The following YJU2B variants were observed in gnomAD, a reference collection of about 807,000 sequenced individuals.
YJU2B encodes YJU2 splicing factor homolog B, also known as probable splicing factor YJU2B.
In YJU2B, 18 loss-of-function variants were observed where a neutral mutation model predicts 38.0. The observed-to-expected ratio is 0.47, with a 90% CI of 0.33 to 0.70. The LOEUF (loss-of-function observed/expected upper bound fraction) is 0.70, where lower values mean the gene tolerates loss of function less well. Ranked by LOEUF, YJU2B falls within the 30% of genes least tolerant of loss-of-function variation. The pLI is 0.02. For missense variants in YJU2B, 538 were observed against 556.3 expected (o/e 0.97, Z 0.33); for synonymous variants, 246 against 225.4 (o/e 1.09, Z -0.82).
chr19:13,762,111 C>G (rs1245323947), intron 8 of YJU2B, among the ~76,000 whole-genome samples, 188 bp from the exon 9 acceptor site: 1 of 152,162 alleles, frequency 6.6e-6, no homozygotes, highest in African/African-American at 2.4e-5. Context: ...GAGAGAATCG[C>G]TTGAGCCCAG....
chr19:13,756,191 A>T lies in YJU2B; in HGVS notation c.58-6A>T. The T allele has an allele frequency of 6.2e-7, 1 of 1,613,574 alleles. No homozygotes were observed. The highest frequency in any genetic ancestry group is 8.5e-7 in the Non-Finnish European group (1 of 1,179,658). On this transcript the variant is annotated splice_polypyrimidine_tract_variant and splice_region_variant and intron_variant, in intron 3 of 9. Coordinates refer to ENST00000221554, the MANE Select transcript of YJU2B (RefSeq NM_030818.4). ...CACTAATCCGCTCCTCATCCTCTCC[A>T]CACAGCATGGCTCTCTCAACCGATA... is the stretch of plus-strand genomic sequence containing the variant.
chr19:13,742,285 T>G (rs1973113550), intron 2 of YJU2B, among the ~76,000 whole-genome samples: 1 of 148,654 alleles, frequency 6.7e-6, no homozygotes, highest in East Asian at 2.0e-4. Context: ...GGTCCTTCTT[T>G]GAGTCCCACT....
intron 9 of YJU2B, 32 bp from the exon 10 acceptor site, chr19:13,762,558 C>T: frequency 6.5e-7 from 1 of 1,531,890 alleles, no homozygotes; most frequent in Non-Finnish European, 8.7e-7. Context: ...CCCTCCCCTG[C>T]CGCCCCTGAA....
At chr19:13,754,561 T>C (rs979986808) in intron 3 of YJU2B, among the ~76,000 whole-genome samples, 2 of 152,044 alleles carry the variant, frequency 1.3e-5, no homozygotes, top group Non-Finnish European at 2.9e-5. Context: ...GAGTATAGTG[T>C]GTTTACAGCA....
intron 8 of YJU2B, among the ~76,000 whole-genome samples, chr19:13,760,397 G>A (rs1273093109): frequency 6.6e-6 from 1 of 152,100 alleles, no homozygotes; most frequent in East Asian, 1.9e-4. Flanking sequence ...CCTTTTATAA[G>A]TCCAATAATC....
intron 2 of YJU2B, among the ~76,000 whole-genome samples, chr19:13,734,417 A>G (rs1429930289): frequency 6.6e-6 from 1 of 151,886 alleles, no homozygotes; most frequent in East Asian, 1.9e-4. Context: ...CACCCTCCCA[A>G]GTAGCTGGGA....
At chr19:13,742,105 C>CT (rs72530552) in intron 2 of YJU2B, among the ~76,000 whole-genome samples, 1 of 151,368 alleles carries the variant, frequency 6.6e-6, no homozygotes, top group African/African-American at 2.4e-5. Context: ...GAAGTTCTGC[C>CT]CTCACCTTTC....
At chr19:13,760,889 C>T (rs1025216793) in intron 8 of YJU2B, among the ~76,000 whole-genome samples, 3 of 152,156 alleles carry the variant, frequency 2.0e-5, no homozygotes, top group Non-Finnish European at 4.4e-5. Context: ...CTGCCTCAGC[C>T]TCCCAAGTAG....
intron 6 of YJU2B, 79 bp from the exon 7 acceptor site, chr19:13,758,789 A>G: frequency 6.6e-7 from 1 of 1,525,644 alleles, no homozygotes; most frequent in Non-Finnish European, 9.0e-7. Flanking sequence ...CATTGGGTGG[A>G]AGGAAGCAGG....
chr19:13,750,051 C>G (rs763592900), intron 1 of YJU2B, among the ~76,000 whole-genome samples: 1 of 152,264 alleles, frequency 6.6e-6, no homozygotes, highest in African/African-American at 2.4e-5. Flanking sequence ...GAGCCTCATT[C>G]AGTTATCTCA....
upstream of YJU2B, among the ~76,000 whole-genome samples, chr19:13,745,039 C>T (rs190566141): frequency 6.6e-6 from 1 of 151,736 alleles, no homozygotes; most frequent in Non-Finnish European, 1.5e-5. Flanking sequence ...TCTTTTAAGT[C>T]AAATGCATAC....
chr19:13,759,514 G>A (rs958135215), intron 8 of YJU2B: 2 of 443,698 alleles, frequency 4.5e-6, no homozygotes, highest in Admixed American at 4.2e-5. Context: ...CTGTAATCCA[G>A]CACATTGGGA....
intron 8 of YJU2B, among the ~76,000 whole-genome samples, chr19:13,759,892 G>C (rs1240152483): frequency 1.3e-5 from 2 of 151,124 alleles, no homozygotes; most frequent in Admixed American, 1.3e-4. Context: ...CTGCCTCCCG[G>C]GTTCAAGTGA....
At chr19:13,759,636 T>G (rs1294615220) in intron 8 of YJU2B, 1 of 156,504 alleles carries the variant, frequency 6.4e-6, no homozygotes, top group Non-Finnish European at 1.4e-5. Context: ...AATTTTTTTT[T>G]TGTTTTGAGA....
chr19:13,758,915 C>T lies in YJU2B; in HGVS notation c.305C>T (p.Thr102Met), dbSNP rs374232021. Residue 102 changes from threonine to methionine, a missense_variant, in exon 7 of 10, where the codon ACG (threonine) becomes ATG (methionine). Thr to Met is a moderately conservative substitution (Grantham distance 81, BLOSUM62 -1). Around this residue, in one of 2 missense-constraint regions of YJU2B, gnomAD observed 488 missense variants for 469.5 expected, o/e 1.04. Coordinates refer to ENST00000221554, the MANE Select transcript of YJU2B (RefSeq NM_030818.4). ...HLCVNYIEMQTDPANCDYVIV... is the reference protein window; with the variant it reads ...HLCVNYIEMQMDPANCDYVIV... ...TGTGTCAACTACATCGAGATGCAGACGGACCCCGCCAACTGCGACTACGTG... is the reference window on the plus strand; with the variant it reads ...TGTGTCAACTACATCGAGATGCAGATGGACCCCGCCAACTGCGACTACGTG... The T allele has an allele frequency of 1.5e-5, 24 of 1,613,744 alleles. No individual in the cohort carries two copies. Among genetic ancestry groups the T allele is most frequent in the Middle Eastern group, 1.6e-4 (1 of 6,078 alleles).
At chr19:13,742,406 G>A (rs1330730379) in intron 2 of YJU2B, among the ~76,000 whole-genome samples, 5 of 149,282 alleles carry the variant, frequency 3.3e-5, no homozygotes, top group African/African-American at 1.2e-4. Context: ...GGGTTCAAGC[G>A]ATTCTCCTGC....
chr19:13,735,525 CTG>C (rs1972920116), intron 2 of YJU2B, among the ~76,000 whole-genome samples: 1 of 151,068 alleles, frequency 6.6e-6, no homozygotes, highest in Non-Finnish European at 1.5e-5. Flanking sequence ...ACCCCAGTGT[CTG>C]TGTTTTTTTT....
chr19:13,739,591 T>C (rs561673034), intron 2 of YJU2B, among the ~76,000 whole-genome samples: 21 of 152,242 alleles, frequency 1.4e-4, no homozygotes, highest in African/African-American at 4.6e-4. Context: ...TATTCCTGCC[T>C]TTGTGGGCCA....
chr19:13,756,381 T>C, intron 4 of YJU2B, 102 bp downstream of exon 4: 1 of 870,334 alleles, frequency 1.1e-6, no homozygotes, highest in South Asian at 1.4e-5. Flanking sequence ...AGGGTCTTCA[T>C]TCCATAAAGC....
Sources: allele counts gnomAD v4.1 joint callset (sites outside exome capture counted in the v4.1 genomes callset), GRCh38; gene constraint gnomAD v4.1.1; regional missense constraint gnomAD v4.1.1; transcripts MANE v1.5; gene names NCBI Gene and HGNC (gene_info 2026-07-23, HGNC 2026-07-21).